CSMD1: variants seen among roughly 807,000 people sequenced by gnomAD.
The protein encoded by CSMD1 is CUB and Sushi multiple domains 1.
A neutral mutation model predicts 417.5 loss-of-function variants in CSMD1; 213 were observed. The observed-to-expected ratio is 0.51, with a 90% CI of 0.46 to 0.57. The LOEUF (loss-of-function observed/expected upper bound fraction) is 0.57, where lower values mean the gene tolerates loss of function less well. Among genes scored for constraint, CSMD1 ranks in the 20% least tolerant of loss-of-function variants. The pLI is 0.00. For missense variants in CSMD1, 6,923 were observed against 4,529.7 expected (o/e 1.53, Z -15.17); for synonymous variants, 2,862 against 1,736.8 (o/e 1.65, Z -16.11).
intron 5 of CSMD1, among the ~76,000 whole-genome samples, chr8:3,914,299 A>C (rs772787553): frequency 6.6e-6 from 1 of 152,170 alleles, no homozygotes; most frequent in African/African-American, 2.4e-5. Flanking sequence ...CAGGTAGCTC[A>C]TGGTTTTTAA....
chr8:3,799,048 T>A (rs868295731), intron 5 of CSMD1, among the ~76,000 whole-genome samples: 1 of 152,058 alleles, frequency 6.6e-6, no homozygotes, highest in Non-Finnish European at 1.5e-5. Context: ...AATCTTTGTA[T>A]AGTATGCTTA....
chr8:3,284,436 C>G, intron 25 of CSMD1, 90 bp from the exon 26 acceptor site: 1 of 922,140 alleles, frequency 1.1e-6, no homozygotes, highest in African/African-American at 1.6e-5. Context: ...ATTTCGCTTT[C>G]ACACAACCCC....
chr8:3,328,369 T>C (rs759147147), intron 23 of CSMD1, among the ~76,000 whole-genome samples: 4 of 152,220 alleles, frequency 2.6e-5, no homozygotes. Flanking sequence ...CATCTGACCC[T>C]AAGTGACTTT....
chr8:4,915,862 T>C (rs1009623959), intron 1 of CSMD1, among the ~76,000 whole-genome samples: 6 of 152,194 alleles, frequency 3.9e-5, no homozygotes, highest in Non-Finnish European at 5.9e-5. Flanking sequence ...TATTTCAAAG[T>C]TGCTTAGATC....
chr8:4,724,913 G>C (rs535035723), intron 1 of CSMD1, among the ~76,000 whole-genome samples: 2 of 151,922 alleles, frequency 1.3e-5, no homozygotes, highest in Non-Finnish European at 2.9e-5. Context: ...AAATCATACA[G>C]GTTTTTTTCT....
At chr8:4,555,454 C>A (rs569717352) in intron 2 of CSMD1, among the ~76,000 whole-genome samples, 1 of 152,222 alleles carries the variant, frequency 6.6e-6, no homozygotes, top group East Asian at 1.9e-4. Flanking sequence ...AAGGACCTCA[C>A]AAATCAGGGG....
chr8:3,873,519 C>A (rs1805621190), intron 5 of CSMD1, among the ~76,000 whole-genome samples: 1 of 151,896 alleles, frequency 6.6e-6, no homozygotes, highest in Non-Finnish European at 1.5e-5. Context: ...CACAGGGACA[C>A]ATAAAGGGAA....
intron 2 of CSMD1, among the ~76,000 whole-genome samples, chr8:4,612,256 A>C (rs1352783615): frequency 2.6e-5 from 4 of 152,208 alleles, no homozygotes; most frequent in African/African-American, 9.6e-5. Flanking sequence ...CACATGTGAT[A>C]AAAATAAATG....
At chr8:4,090,098 C>T (rs915325959) in intron 3 of CSMD1, among the ~76,000 whole-genome samples, 1 of 152,142 alleles carries the variant, frequency 6.6e-6, no homozygotes, top group Non-Finnish European at 1.5e-5. Context: ...CTTAAATACA[C>T]CTTTTGCTAT....
At chr8:3,004,100 A>T (rs1171163265) in intron 52 of CSMD1, among the ~76,000 whole-genome samples, 5 of 152,092 alleles carry the variant, frequency 3.3e-5, no homozygotes, top group African/African-American at 1.2e-4. Flanking sequence ...TTTTTTAAAG[A>T]AATGAACGTG....
Position 3,199,728 on chromosome 8 carries a change from T to A in CSMD1, c.5180A>T (p.His1727Leu). Residue 1727 changes from histidine to leucine, a missense_variant, in exon 33 of 70, where the codon CAC becomes CTC. By Grantham distance (99) the His-to-Leu change is moderately conservative. Coordinates refer to ENST00000635120, the MANE Select transcript of CSMD1 (RefSeq NM_033225.6). ...AKSGASARGF[H>L]FVYQAVPRTS... is the part of the protein sequence containing the mutation. ...GTGACGCTTACCTTGATACACGAAG[T>A]GGAAGCCGCGGGCAGAGGCACCGCT... The A allele has an allele frequency of 3.2e-6, 5 of 1,586,236 alleles. No individual in the cohort carries two copies. The highest frequency in any genetic ancestry group is 4.3e-6 in the Non-Finnish European group (5 of 1,165,742).
intron 37 of CSMD1, among the ~76,000 whole-genome samples, chr8:3,175,507 G>GCCTGCCTGCCTTCCTT (rs149583717): frequency 3.2e-5 from 4 of 125,912 alleles, no homozygotes; most frequent in South Asian, 3.1e-4. Context: ...CTGCCTGCCT[G>GCCTGCCTGCCTTCCTT]CCTTTTTTCC....
At chr8:4,294,301 C>G (rs1200970622) in intron 3 of CSMD1, among the ~76,000 whole-genome samples, 1 of 152,116 alleles carries the variant, frequency 6.6e-6, no homozygotes, top group Non-Finnish European at 1.5e-5. Context: ...GCTTCATATC[C>G]TTTTAATAAA....
At chr8:3,574,800 T>G (rs544798789) in intron 10 of CSMD1, 145 bp downstream of exon 10, 2 of 878,654 alleles carry the variant, frequency 2.3e-6, no homozygotes, top group East Asian at 5.2e-5. Flanking sequence ...GAATGTGGCA[T>G]CTAGACACAG....
intron 37 of CSMD1, among the ~76,000 whole-genome samples, chr8:3,162,685 T>A (rs1056266383): frequency 2.6e-5 from 4 of 151,632 alleles, no homozygotes; most frequent in African/African-American, 9.7e-5. Context: ...TATAAAAAAA[T>A]TATGTGTGAA....
intron 10 of CSMD1, among the ~76,000 whole-genome samples, chr8:3,527,980 G>A (rs369318423): frequency 6.6e-6 from 1 of 152,102 alleles, no homozygotes; most frequent in South Asian, 2.1e-4. Context: ...CCCACCACAC[G>A]CCAGTCGTAC....
intron 30 of CSMD1, among the ~76,000 whole-genome samples, chr8:3,207,423 G>T (rs991683390): frequency 5.9e-5 from 9 of 151,680 alleles, no homozygotes; most frequent in Non-Finnish European, 4.4e-5. Context: ...GATTACAAAC[G>T]TGAGCCACTG....
At chr8:4,623,299 A>T (rs751688704) in intron 2 of CSMD1, among the ~76,000 whole-genome samples, 1 of 152,160 alleles carries the variant, frequency 6.6e-6, no homozygotes, top group Non-Finnish European at 1.5e-5. Flanking sequence ...AACACTCTAC[A>T]CTCATTACAA....
chr8:3,501,668 G>T (rs1415880067), intron 10 of CSMD1, among the ~76,000 whole-genome samples: 1 of 152,100 alleles, frequency 6.6e-6, no homozygotes, highest in African/African-American at 2.4e-5. Flanking sequence ...TCAGAAGAAA[G>T]GCCTTTCAAA....
Sources: gnomAD v4.1 joint callset for allele counts (sites outside exome capture counted in the v4.1 genomes callset) on GRCh38, gnomAD v4.1.1 for gene constraint, MANE v1.5 for transcripts, NCBI Gene and HGNC (gene_info 2026-07-23, HGNC 2026-07-21) for gene names.